Variants in MYLK4 observed in about 807,000 individuals in gnomAD.
MYLK4 encodes the protein myosin light chain kinase family member 4.
A neutral mutation model predicts 48.1 loss-of-function variants in MYLK4; 46 were observed. The observed-to-expected ratio is 0.96, with a 90% CI of 0.75 to 1.22. MYLK4 has a LOEUF of 1.22. MYLK4 is among the 50% of genes most tolerant of loss of function. The pLI is 0.00. For synonymous variants in MYLK4, 170 were observed against 180.8 expected (o/e 0.94, Z 0.48); for missense variants, 451 against 486.1 (o/e 0.93, Z 0.68).
chr6:2,741,582 C>T (rs1235219518), intron 2 of MYLK4, among the ~76,000 whole-genome samples: 1 of 152,102 alleles, frequency 6.6e-6, no homozygotes, highest in Non-Finnish European at 1.5e-5. Context: ...ATATAGAGCA[C>T]ATTCATATCA....
intron 7 of MYLK4, among the ~76,000 whole-genome samples, chr6:2,681,569 C>T (rs375518318): frequency 1.6e-4 from 24 of 152,176 alleles, no homozygotes; most frequent in South Asian, 4.2e-4. Context: ...CTTTTTATGA[C>T]GATAAAATTA....
Position 2,672,660 on chromosome 6 carries a change from C to T in MYLK4, c.1120-1312G>A, listed in dbSNP as rs544012494. Among the ~76,000 whole-genome samples, 8 of 152,282 alleles carry T rather than the reference C, an allele frequency of 5.3e-5. No homozygotes were observed. The highest frequency in any genetic ancestry group is 3.3e-4 in the Admixed American group (5 of 15,302). On this transcript the variant is annotated intron_variant, in intron 11 of 12. Transcript: ENST00000274643. The surrounding 1 kb of genome is among the most constrained non-coding windows in gnomAD (Gnocchi z 4.3). ...AAAAATAAGCCTTCTGGAAAACTTT[C>T]GTCTCAATATTTCCTTGAAAAGTAA... is the stretch of plus-strand genomic sequence containing the variant.
chr6:2,711,565 C>G (rs1396704911), intron 2 of MYLK4, among the ~76,000 whole-genome samples: 1 of 152,196 alleles, frequency 6.6e-6, no homozygotes. Flanking sequence ...CTTTGCACTA[C>G]TATGACATAG....
At chr6:2,724,454 G>C (rs908295853) in intron 2 of MYLK4, among the ~76,000 whole-genome samples, 1 of 152,192 alleles carries the variant, frequency 6.6e-6, no homozygotes, top group Admixed American at 6.5e-5. Context: ...AGGGGGAAAG[G>C]TATGCAGGGA....
At chr6:2,752,422 G>A (rs1268161045), upstream of MYLK4, among the ~76,000 whole-genome samples, 1 of 151,428 alleles carries the variant, frequency 6.6e-6, no homozygotes, top group Middle Eastern at 3.4e-3. Context: ...CCCCTTTTCT[G>A]TTCCAGAATC....
intron 3 of MYLK4, among the ~76,000 whole-genome samples, chr6:2,690,868 C>T (rs908359669): frequency 7.4e-5 from 9 of 122,392 alleles, no homozygotes; most frequent in South Asian, 5.2e-4. Flanking sequence ...CTCGCTCTGT[C>T]GCCCAGGCTG....
At chr6:2,763,030 T>C in the MYLK4 span, among the ~76,000 whole-genome samples, 2 of 152,154 alleles carry the variant, frequency 1.3e-5, no homozygotes, top group South Asian at 2.1e-4. Flanking sequence ...CATCGCCAGC[T>C]CTAGCAGCCT....
intron 2 of MYLK4, among the ~76,000 whole-genome samples, chr6:2,725,443 C>T (rs1763223277): frequency 6.6e-6 from 1 of 151,750 alleles, no homozygotes; most frequent in Non-Finnish European, 1.5e-5. Flanking sequence ...CTACTGCACT[C>T]CAGCCTGGGT....
At chr6:2,766,123 G>A in the MYLK4 span, 2 of 1,325,886 alleles carry the variant, frequency 1.5e-6, no homozygotes, top group African/African-American at 1.5e-5. Context: ...AGGAGGAGGA[G>A]GCCGTGGGCG....
chr6:2,674,320 C>T (rs930236512), intron 11 of MYLK4, among the ~76,000 whole-genome samples: 1 of 151,970 alleles, frequency 6.6e-6, no homozygotes, highest in Non-Finnish European at 1.5e-5. Flanking sequence ...ATTTGGTGCC[C>T]AGAGCAGATC....
At chr6:2,768,635 C>T in the MYLK4 span, 2 of 1,467,974 alleles carry the variant, frequency 1.4e-6, no homozygotes, top group South Asian at 2.8e-5. Context: ...CCCATGGGTG[C>T]TGGTCTCTCT....
the MYLK4 span, among the ~76,000 whole-genome samples, chr6:2,756,217 C>T: frequency 1.3e-5 from 2 of 152,172 alleles, no homozygotes; most frequent in East Asian, 1.9e-4. Context: ...AGCTTTCCAT[C>T]CCCATCCTGA....
intron 3 of MYLK4, 141 bp downstream of exon 3, chr6:2,692,638 AAAAAG>A: frequency 2.5e-5 from 14 of 563,504 alleles, no homozygotes; most frequent in Non-Finnish European, 3.4e-5. Flanking sequence ...GCAAAAAAAA[AAAAAG>A]GGGGGGGGGG....
chr6:2,759,423 C>T, the MYLK4 span, among the ~76,000 whole-genome samples: 54 of 152,274 alleles, frequency 3.5e-4, no homozygotes, highest in African/African-American at 1.2e-3. Context: ...TTCTCAAATA[C>T]ATATTTGGTC....
intron 4 of MYLK4, among the ~76,000 whole-genome samples, chr6:2,688,348 C>T (rs563713609): frequency 2.2e-4 from 33 of 152,328 alleles, no homozygotes; most frequent in African/African-American, 7.5e-4. Flanking sequence ...CGTGAGCCAC[C>T]GCGCAAGGCC....
At chr6:2,691,652 G>A (rs559332412) in intron 3 of MYLK4, among the ~76,000 whole-genome samples, 31 of 152,264 alleles carry the variant, frequency 2.0e-4, no homozygotes, top group African/African-American at 7.2e-4. Context: ...CTTGTCCTTA[G>A]GAAGGATATG....
At chr6:2,767,443 C>T in the MYLK4 span, among the ~76,000 whole-genome samples, 3 of 152,220 alleles carry the variant, frequency 2.0e-5, no homozygotes, top group Non-Finnish European at 4.4e-5. Flanking sequence ...CTAGCTTTAT[C>T]TCCCACAACT....
the MYLK4 span, among the ~76,000 whole-genome samples, chr6:2,757,797 T>G: frequency 1.3e-5 from 2 of 152,194 alleles, no homozygotes; most frequent in Admixed American, 1.3e-4. Context: ...CCAAATATGG[T>G]TTGTGCTTTC....
chr6:2,671,188 C>T (rs1582021205), intron 12 of MYLK4, 88 bp downstream of exon 12: 1 of 933,038 alleles, frequency 1.1e-6, no homozygotes, highest in East Asian at 2.5e-5. Context: ...CTTCTTCCTG[C>T]ATAGTCTGTG....
Sources: allele counts gnomAD v4.1 joint callset (sites outside exome capture counted in the v4.1 genomes callset), GRCh38; gene constraint gnomAD v4.1.1; non-coding constraint Gnocchi (gnomAD v3.1); transcripts MANE v1.5; gene names NCBI Gene and HGNC (gene_info 2026-07-23, HGNC 2026-07-21).